The following HIGD1A variants were observed in gnomAD, a reference collection of about 807,000 sequenced individuals.
HIGD1A encodes the protein HIG1 hypoxia inducible domain family member 1A, also known as HIG1 domain family member 1A, mitochondrial.
HIGD1A carries 8 observed loss-of-function variants against 11.3 expected under a neutral mutation model. That is an observed-to-expected ratio of 0.71 (90% CI 0.42 to 1.28). The LOEUF (loss-of-function observed/expected upper bound fraction) is 1.28, where lower values mean the gene tolerates loss of function less well. HIGD1A is among the 50% of genes most tolerant of loss of function. The pLI, the probability that HIGD1A is intolerant of heterozygous loss-of-function variation, is 0.01. For missense variants in HIGD1A, 107 were observed against 118.8 expected (o/e 0.90, Z 0.46); for synonymous variants, 32 against 38.4 (o/e 0.83, Z 0.62).
chr3:42,787,620 TAA>T (rs1700369270), intron 2 of HIGD1A, among the ~76,000 whole-genome samples: 2 of 144,668 alleles, frequency 1.4e-5, no homozygotes, highest in African/African-American at 2.5e-5. Flanking sequence ...TATATATATA[TAA>T]ATTTTTAAAG....
At chr3:42,795,629 G>A (rs1437465752) in intron 1 of HIGD1A, among the ~76,000 whole-genome samples, 1 of 151,554 alleles carries the variant, frequency 6.6e-6, no homozygotes, top group Non-Finnish European at 1.5e-5. Flanking sequence ...TATCCCCTAG[G>A]CTTCCTTTTA....
At chr3:42,794,354 C>A (rs1194527034) in intron 1 of HIGD1A, 79 bp from the exon 2 acceptor site, 16 of 1,283,724 alleles carry the variant, frequency 1.2e-5, no homozygotes, top group Non-Finnish European at 1.3e-5. Context: ...TTAAAATATT[C>A]CTAACTTCCA....
chr3:42,789,895 A>AT (rs1700400329), intron 2 of HIGD1A, among the ~76,000 whole-genome samples: 4 of 151,296 alleles, frequency 2.6e-5, no homozygotes, highest in Admixed American at 1.3e-4. Context: ...TAATTTTTAA[A>AT]TTTTTTTTGT....
intron 2 of HIGD1A, among the ~76,000 whole-genome samples, chr3:42,790,094 T>A (rs1252263564): frequency 6.6e-6 from 1 of 152,150 alleles, no homozygotes; most frequent in Admixed American, 6.5e-5. Flanking sequence ...AAGACAGGGA[T>A]ACATGTGAAT....
intron 2 of HIGD1A, among the ~76,000 whole-genome samples, chr3:42,791,538 A>T (rs1488113776): frequency 6.6e-6 from 1 of 152,240 alleles, no homozygotes; most frequent in African/African-American, 2.4e-5. Flanking sequence ...CCAGCCCATC[A>T]CAGCCTATTG....
intron 3 of HIGD1A, 43 bp from the exon 4 acceptor site, chr3:42,785,363 A>G (rs745471909): frequency 4.7e-6 from 7 of 1,502,476 alleles, no homozygotes; most frequent in Admixed American, 1.7e-5. Context: ...GTATTTTCTT[A>G]AATATTCAAA....
intron 1 of HIGD1A, among the ~76,000 whole-genome samples, 191 bp from the exon 2 acceptor site, chr3:42,794,466 T>A (rs1208062115): frequency 1.3e-5 from 2 of 152,236 alleles, no homozygotes; most frequent in African/African-American, 4.8e-5. Context: ...GAGAGTTGTA[T>A]ACACTTATTC....
In HIGD1A at chr3:42,785,311, T is replaced by C; in HGVS notation, c.242A>G (p.Tyr81Cys). The change falls in exon 4 of 4, where the codon TAT becomes TGT. Residue 81 changes from tyrosine (Y) to cysteine (C), a missense_variant. Coordinates refer to ENST00000321331, the MANE Select transcript of HIGD1A (RefSeq NM_014056.4). Reference sequence around the variant, plus strand: ...TGCCCAGAATTCCCGATACATGGAATAGCCCATACCTAAAGAAAAAGAATG... The same window carrying C: ...TGCCCAGAATTCCCGATACATGGAACAGCCCATACCTAAAGAAAAAGAATG... ...VVGAMTVGMG[Y>C]SMYREFWAKP... The C allele has an allele frequency of 3.1e-6, 5 of 1,610,328 alleles. No individual in the cohort carries two copies. The highest frequency in any genetic ancestry group is 4.2e-6 in the Non-Finnish European group (5 of 1,178,324).
At chr3:42,787,598 T>A (rs71615415) in intron 2 of HIGD1A, among the ~76,000 whole-genome samples, 73,079 of 109,764 alleles carry the variant, frequency 0.67, 21,073 homozygotes, top group African/African-American at 0.71. Context: ...CTCAAAAATA[T>A]ATATATATAT....
intron 1 of HIGD1A, chr3:42,804,214 C>T: frequency 1.2e-6 from 2 of 1,609,806 alleles, no homozygotes; most frequent in South Asian, 1.1e-5. Context: ...TCCGTCTCCC[C>T]TCACCCGAAG....
intron 3 of HIGD1A, 66 bp downstream of exon 3, chr3:42,785,962 C>T: frequency 2.1e-6 from 3 of 1,430,658 alleles, no homozygotes; most frequent in African/African-American, 1.4e-5. Flanking sequence ...AAATATTTAC[C>T]TATTTTGTTT....
chr3:42,786,479 C>T, intron 2 of HIGD1A, among the ~76,000 whole-genome samples: 1 of 152,158 alleles, frequency 6.6e-6, no homozygotes, highest in East Asian at 1.9e-4. Context: ...TGCCAAAGGT[C>T]TTGACTTAGA....
At chr3:42,792,372 A>T (rs964375433) in intron 2 of HIGD1A, among the ~76,000 whole-genome samples, 1 of 152,234 alleles carries the variant, frequency 6.6e-6, no homozygotes, top group Admixed American at 6.5e-5. Flanking sequence ...AAATTAAGTC[A>T]TTCTTAAAAG....
At chr3:42,795,728 A>G (rs1559677601) in intron 1 of HIGD1A, among the ~76,000 whole-genome samples, 1 of 151,946 alleles carries the variant, frequency 6.6e-6, no homozygotes, top group Non-Finnish European at 1.5e-5. Flanking sequence ...GATAGGAAAA[A>G]AAAAAAAAGG....
At chr3:42,794,055 T>G (rs1700462351) in intron 2 of HIGD1A, 102 bp downstream of exon 2, 1 of 1,164,968 alleles carries the variant, frequency 8.6e-7, no homozygotes, top group African/African-American at 1.6e-5. Flanking sequence ...TATTTCAACA[T>G]AAGAAAAAAA....
At position 42,784,215 on chromosome 3, in the gene HIGD1A, AAC is replaced by A. The variant is rs2125922966; in HGVS notation, c.*1054_*1055del. 6.6e-6 allele frequency: 1 copy of A among 152,382 alleles called. No homozygotes were observed. Among genetic ancestry groups the A allele is most frequent in the Non-Finnish European group, 1.5e-5 (1 of 68,040 alleles). The allele number at this position is 152,382 out of a possible 1,614,324, so 9.4% of individuals were successfully genotyped here. ...AAGGAGAACATGATTAGAGAACAAC[AAC>A]AAAAAAGACAATTTCCTGAAACTTG... On this transcript the variant is annotated 3_prime_UTR_variant, in exon 4 of 4. Transcript: ENST00000321331.
Position 42,786,148 on chromosome 3 carries a change from C to G in HIGD1A, c.112G>C (p.Ala38Pro). 1.2e-6 allele frequency: 2 copies of G among 1,614,066 alleles called. No homozygotes were observed. Among genetic ancestry groups the G allele is most frequent in the Non-Finnish European group, 1.7e-6 (2 of 1,179,968 alleles). ...PFVPVGIAGF[A>P]AIVAYGLYKL... The stretch of plus-strand genomic sequence containing the variant: ...TATAATCCATATGCAACAATTGCTG[C>G]AAAACCCGCTATTCCTGTAAAACAA... Residue 38 changes from alanine to proline, a missense_variant, in exon 3 of 4, where the codon GCA (alanine) becomes CCA (proline). Physicochemically the swap from Ala to Pro is conservative, Grantham distance 27. Transcript: ENST00000321331.
intron 1 of HIGD1A, among the ~76,000 whole-genome samples, chr3:42,799,365 A>G (rs1040659489): frequency 2.0e-5 from 3 of 151,674 alleles, no homozygotes; most frequent in African/African-American, 7.3e-5. Flanking sequence ...CATAATTTCT[A>G]ATCTGTGGCT....
intron 1 of HIGD1A, among the ~76,000 whole-genome samples, chr3:42,799,903 G>A (rs192362032): frequency 3.9e-4 from 59 of 152,300 alleles, no homozygotes; most frequent in Middle Eastern, 3.4e-3. Context: ...AGCTAAAGGA[G>A]GTTTGGCACG....
Sources: gnomAD v4.1 joint callset for allele counts (sites outside exome capture counted in the v4.1 genomes callset) on GRCh38, gnomAD v4.1.1 for gene constraint, MANE v1.5 for transcripts, NCBI Gene and HGNC (gene_info 2026-07-23, HGNC 2026-07-21) for gene names.